SBSPON: variants seen among roughly 807,000 people sequenced by gnomAD.
SBSPON encodes the protein somatomedin-B and thrombospondin type-1 domain-containing protein.
Under a neutral mutation model 35.8 loss-of-function variants are expected in SBSPON, and 30 were observed. The observed-to-expected ratio is 0.84, with a 90% CI of 0.63 to 1.14. The LOEUF (loss-of-function observed/expected upper bound fraction) is 1.14, where lower values mean the gene tolerates loss of function less well. SBSPON is among the 50% of genes most tolerant of loss of function. The pLI is 0.00. For missense variants in SBSPON, 364 were observed against 357.7 expected (o/e 1.02, Z -0.14); for synonymous variants, 136 against 135.9 (o/e 1.00, Z 0.00).
At chr8:73,068,018 C>G (rs989065313) in intron 4 of SBSPON, among the ~76,000 whole-genome samples, 1 of 152,058 alleles carries the variant, frequency 6.6e-6, no homozygotes, top group African/African-American at 2.4e-5. Context: ...AGGAAAATGG[C>G]TGACTGTTCT....
chr8:73,068,500 C>T (rs1484030623), intron 4 of SBSPON, among the ~76,000 whole-genome samples: 2 of 152,172 alleles, frequency 1.3e-5, no homozygotes. Context: ...CTAAATTAGT[C>T]TTTGCCCAAT....
rs1482949773 is a variant in SBSPON, at chr8:73,069,951, C to T, written c.531G>A (p.Leu177=). The T allele has an allele frequency of 1.2e-6, 2 of 1,605,382 alleles. No individual in the cohort carries two copies. Among genetic ancestry groups the T allele is most frequent in the Middle Eastern group, 3.3e-4 (2 of 5,992 alleles). Residue 177 remains leucine (L), a synonymous_variant, in exon 4 of 5, where the codon TTG becomes TTA. Transcript: ENST00000297354. ...GYCMEFKTES[L]TPHCALENWP... ...AGTTTTCCAGAGCACAGTGAGGAGTCAAGGACTCTGTCTTAAACTCCATAC... is the reference window on the plus strand; with the variant it reads ...AGTTTTCCAGAGCACAGTGAGGAGTTAAGGACTCTGTCTTAAACTCCATAC...
At chr8:73,078,812 T>A (rs1248136158) in intron 2 of SBSPON, among the ~76,000 whole-genome samples, 1 of 152,020 alleles carries the variant, frequency 6.6e-6, no homozygotes, top group Non-Finnish European at 1.5e-5. Flanking sequence ...GACCACCGTA[T>A]CAATGGGGGA....
rs80186006 is a variant in SBSPON, at chr8:73,070,639, C to T, written c.501-658G>A. ...GTTAGTGTCACCTTAAACTGAGCTG[C>T]GGAAAACTCTAACATTATATGTGAC... On this transcript the variant is annotated intron_variant, in intron 3 of 4. Transcript: ENST00000297354. Among the ~76,000 whole-genome samples the T allele has an allele frequency of 6.2e-4, 94 of 152,242 alleles. 2 individuals are homozygous for T. The East Asian group carries it at 0.016, about 25-fold the overall frequency.
At position 73,065,769 on chromosome 8, in the gene SBSPON, ACT is replaced by A. The variant is rs1443836563; in HGVS notation, c.*1570_*1571del. The A allele has an allele frequency of 5.9e-5, 9 of 152,082 alleles. No homozygotes were observed. Among genetic ancestry groups the A allele is most frequent in the African/African-American group, 1.9e-4 (8 of 41,394 alleles). The allele number at this position is 152,082 out of a possible 1,614,324, so 9.4% of individuals were successfully genotyped here. A position where few individuals can be genotyped will look rare whatever the true frequency, so the allele number is the denominator to read the frequency against. On this transcript the variant is annotated 3_prime_UTR_variant, in exon 5 of 5. Transcript: ENST00000297354. ...ACTCCAGCCTGGGCAACAGAGTGAG[ACT>A]CTGTCTCAAAGAAAAAAAAACTTTT...
At chr8:73,075,104 G>C (rs1810567510) in intron 2 of SBSPON, among the ~76,000 whole-genome samples, 1 of 152,092 alleles carries the variant, frequency 6.6e-6, no homozygotes, top group Admixed American at 6.5e-5. Flanking sequence ...GGTCTTCTGG[G>C]GCCCAAGCAA....
rs745391226 is a variant in SBSPON at position 73,093,019 on chromosome 8, C to T, written c.49G>A (p.Gly17Arg). 31 of 1,408,828 alleles carry T rather than the reference C, an allele frequency of 2.2e-5. No individual in the cohort carries two copies. The Admixed American group carries it at 8.8e-4, about 40-fold the overall frequency. The allele number at this position is 1,408,828 out of a possible 1,614,324, so 87.3% of individuals were successfully genotyped here. The change falls in exon 1 of 5, where the codon GGG becomes AGG. Residue 17 changes from glycine (G) to arginine (R), a missense_variant. Transcript: ENST00000297354. ...ALCALSRLWP[G>R]AQAGCAEAGR... ...GCCTCGGCGCAGCCGGCCTGGGCCCCGGGCCACAGCCGCGACAGCGCGCAC... is the reference window on the plus strand; with the variant it reads ...GCCTCGGCGCAGCCGGCCTGGGCCCTGGGCCACAGCCGCGACAGCGCGCAC...
chr8:73,079,979 A>G (rs1810663852), intron 2 of SBSPON, among the ~76,000 whole-genome samples: 1 of 152,204 alleles, frequency 6.6e-6, no homozygotes, highest in South Asian at 2.1e-4. Flanking sequence ...CCACGTTCCT[A>G]TGAGAAACAT....
chr8:73,067,139 TG>T lies in SBSPON; in HGVS notation c.*201del. On this transcript the variant is annotated 3_prime_UTR_variant, in exon 5 of 5. Coordinates refer to ENST00000297354, the MANE Select transcript of SBSPON (RefSeq NM_153225.4). Reference sequence around the variant, plus strand: ...CATAAAACCACAAGAGCTTTTTGAGTGGGTCTTCAACTTAGTTAAAATAAAA... The same window carrying T: ...CATAAAACCACAAGAGCTTTTTGAGTGGTCTTCAACTTAGTTAAAATAAAA... 1 of 433,308 alleles carries T rather than the reference TG, an allele frequency of 2.3e-6. No homozygotes were observed. The highest frequency in any genetic ancestry group is 4.2e-5 in the South Asian group (1 of 24,010). 26.8% of individuals were successfully genotyped at this position (433,308 alleles called of 1,614,324 possible). A position where few individuals can be genotyped will look rare whatever the true frequency, so the allele number is the denominator to read the frequency against.
chr8:73,081,653 T>G (rs1810708085), intron 1 of SBSPON, among the ~76,000 whole-genome samples: 1 of 148,830 alleles, frequency 6.7e-6, no homozygotes, highest in African/African-American at 2.5e-5. Context: ...AAAAAAAAAG[T>G]ATAAAAAAGA....
At chr8:73,080,491 G>T (rs940391203) in intron 2 of SBSPON, among the ~76,000 whole-genome samples, 4 of 152,078 alleles carry the variant, frequency 2.6e-5, no homozygotes. Context: ...CTCCAGCCTG[G>T]GTGACAGAGC....
Position 73,070,081 on chromosome 8 carries a change from G to A in SBSPON, c.501-100C>T, listed in dbSNP as rs1374729320. 3.7e-5 allele frequency: 24 copies of A among 657,498 alleles called. 1 individual carries two copies. Among genetic ancestry groups the A allele is most frequent in the South Asian group, 2.5e-4 (12 of 47,740 alleles). The allele number at this position is 657,498 out of a possible 1,614,324, so 40.7% of individuals were successfully genotyped here. A position where few individuals can be genotyped will look rare whatever the true frequency, so the allele number is the denominator to read the frequency against. On this transcript the variant is annotated intron_variant, in intron 3 of 4. Coordinates refer to ENST00000297354, the MANE Select transcript of SBSPON (RefSeq NM_153225.4). ...CTGTCACCTCCAAGGGCATTTGGCC[G>A]ACTGGAGCAGGTAGTGAGTACATCT...
At chr8:73,073,835 A>C (rs113424168) in intron 2 of SBSPON, among the ~76,000 whole-genome samples, 1,588 of 152,172 alleles carry the variant, frequency 0.01, 23 homozygotes, top group African/African-American at 0.036. Flanking sequence ...ACAAAAAAAA[A>C]CAGACAAGAG....
intron 2 of SBSPON, chr8:73,074,692 T>G: frequency 9.9e-6 from 4 of 402,266 alleles, no homozygotes; most frequent in Non-Finnish European, 1.3e-5. Context: ...CATTATGCTC[T>G]ATGTGAAGTC....
intron 2 of SBSPON, among the ~76,000 whole-genome samples, chr8:73,076,519 C>T (rs952712629): frequency 2.6e-5 from 4 of 151,782 alleles, no homozygotes; most frequent in African/African-American, 7.3e-5. Context: ...TGTTGGTGCG[C>T]GCCTGTAATC....
chr8:73,080,371 C>T (rs1484236525), intron 2 of SBSPON, among the ~76,000 whole-genome samples: 7 of 152,084 alleles, frequency 4.6e-5, no homozygotes, highest in South Asian at 2.1e-4. Flanking sequence ...AAAAATTAGC[C>T]GGGCGTGGTG....
intron 1 of SBSPON, among the ~76,000 whole-genome samples, chr8:73,081,774 T>C (rs1810710018): frequency 6.6e-6 from 1 of 152,168 alleles, no homozygotes; most frequent in African/African-American, 2.4e-5. Flanking sequence ...ACCCCTATAC[T>C]CTAAGCTTCT....
chr8:73,086,643 G>T (rs1810831285), intron 1 of SBSPON, among the ~76,000 whole-genome samples: 1 of 129,902 alleles, frequency 7.7e-6, no homozygotes, highest in Non-Finnish European at 1.6e-5. Flanking sequence ...GCCCCCAAAG[G>T]GGTTTTTTTT....
At chr8:73,073,223 C>T (rs1038688565) in intron 2 of SBSPON, among the ~76,000 whole-genome samples, 10 of 152,226 alleles carry the variant, frequency 6.6e-5, no homozygotes, top group African/African-American at 1.9e-4. Flanking sequence ...TACTTCCCTG[C>T]AGTCTTCCGT....
Sources: gnomAD v4.1 joint callset for allele counts (sites outside exome capture counted in the v4.1 genomes callset) on GRCh38, gnomAD v4.1.1 for gene constraint, MANE v1.5 for transcripts, NCBI Gene and HGNC (gene_info 2026-07-23, HGNC 2026-07-21) for gene names.